KLHL32: variants seen among roughly 807,000 people sequenced by gnomAD.
KLHL32 encodes the protein kelch-like protein 32.
In KLHL32, 35 loss-of-function variants were observed where a neutral mutation model predicts 64.8. That is an observed-to-expected ratio of 0.54 (90% CI 0.41 to 0.72). The LOEUF (loss-of-function observed/expected upper bound fraction) is 0.72. KLHL32 is among the 30% of genes least tolerant of loss of function. The pLI is 0.00. For missense variants in KLHL32, 589 were observed against 768.5 expected (o/e 0.77, Z 2.76); for synonymous variants, 259 against 281.0 (o/e 0.92, Z 0.78).
In KLHL32 at chr6:97,080,046, G is replaced by C. The variant is rs547577010; in HGVS notation, c.412-5080G>C. 2.6e-5 allele frequency among the ~76,000 whole-genome samples: 4 copies of C among 152,226 alleles called. No individual in the cohort carries two copies. In the South Asian group the frequency reaches 8.3e-4, roughly 32 times the overall value. On this transcript the variant is annotated intron_variant, in intron 5 of 10. Transcript: ENST00000369261. ...ATTTGAAAAGATATTAAAATCTTTT[G>C]ATCTAAGTAGCCAATTGATAGAGGA...
intron 1 of KLHL32, among the ~76,000 whole-genome samples, chr6:96,932,903 C>A (rs182579746): frequency 1.1e-4 from 16 of 152,182 alleles, no homozygotes; most frequent in Admixed American, 2.6e-4. Context: ...GTGTTTCATG[C>A]TGTTTTTATC....
At chr6:96,941,449 A>G (rs1274728819) in intron 1 of KLHL32, among the ~76,000 whole-genome samples, 2 of 152,186 alleles carry the variant, frequency 1.3e-5, no homozygotes. Context: ...TCCCATTAAG[A>G]ATTAGCCATA....
chr6:97,095,318 A>G (rs1234277221), intron 6 of KLHL32, among the ~76,000 whole-genome samples: 2 of 152,212 alleles, frequency 1.3e-5, no homozygotes, highest in Non-Finnish European at 2.9e-5. Context: ...TATAAATCCA[A>G]TAAAGTGTAA....
intron 4 of KLHL32, among the ~76,000 whole-genome samples, chr6:97,046,037 C>T (rs965494467): frequency 1.3e-5 from 2 of 152,242 alleles, no homozygotes; most frequent in East Asian, 3.9e-4. Flanking sequence ...TTATTCTGTC[C>T]AAACACCAGA....
chr6:97,037,726 C>T (rs143979881), intron 3 of KLHL32, among the ~76,000 whole-genome samples: 1 of 151,880 alleles, frequency 6.6e-6, no homozygotes, highest in African/African-American at 2.4e-5. Flanking sequence ...CCAAAGCCAC[C>T]CTGAGCAAAA....
In KLHL32 at chr6:97,140,316, C is replaced by A. The variant is rs1007986603; in HGVS notation, c.*1034C>A. The A allele has an allele frequency of 2.1e-4, 32 of 152,050 alleles. No homozygotes were observed. The highest frequency in any genetic ancestry group is 7.7e-4 in the African/African-American group (32 of 41,518). The allele number at this position is 152,050 out of a possible 1,614,324, so 9.4% of individuals were successfully genotyped here. A position where few individuals can be genotyped will look rare whatever the true frequency, so the allele number is the denominator to read the frequency against. On this transcript the variant is annotated 3_prime_UTR_variant, in exon 11 of 11. Transcript: ENST00000369261. ...AATTTAGTTGTACTAATTATGGTACCATAAAGTGCTTTGACATAAATTTGA... is the reference window on the plus strand; with the variant it reads ...AATTTAGTTGTACTAATTATGGTACAATAAAGTGCTTTGACATAAATTTGA...
chr6:97,029,506 T>C (rs1783212392), intron 3 of KLHL32, among the ~76,000 whole-genome samples: 1 of 152,180 alleles, frequency 6.6e-6, no homozygotes, highest in Admixed American at 6.5e-5. Flanking sequence ...GTTTGTCTTG[T>C]GATATTTTAT....
At chr6:96,907,030 A>G in the KLHL32 span, among the ~76,000 whole-genome samples, 1 of 152,184 alleles carries the variant, frequency 6.6e-6, no homozygotes, top group Non-Finnish European at 1.5e-5. Flanking sequence ...TAATTCATGT[A>G]CCTAGCTAGC....
chr6:96,906,908 A>G, the KLHL32 span, among the ~76,000 whole-genome samples: 1 of 152,182 alleles, frequency 6.6e-6, no homozygotes, highest in South Asian at 2.1e-4. Context: ...ATGTCCAGAG[A>G]AGGCTTCCAG....
At chr6:97,133,465 AACT>A (rs1799653255) in intron 10 of KLHL32, among the ~76,000 whole-genome samples, 1 of 152,216 alleles carries the variant, frequency 6.6e-6, no homozygotes, top group South Asian at 2.1e-4. Flanking sequence ...ATATCCTTAT[AACT>A]ACTTTTATTA....
rs1345992091 is a variant in KLHL32, at chr6:96,988,855, CA to C, written c.204+12684del. Among the ~76,000 whole-genome samples the C allele has an allele frequency of 6.0e-5, 9 of 150,274 alleles. No individual in the cohort carries two copies. In the East Asian group the frequency reaches 1.4e-3, roughly 23 times the overall value. ...CATTCTCAGCAAACTGTTGCAAGGA[CA>C]AAAAACCAAACACCGCATGTTCTCA... On this transcript the variant is annotated intron_variant, in intron 3 of 10. Transcript: ENST00000369261.
chr6:97,006,261 G>A (rs1779649498), intron 3 of KLHL32, among the ~76,000 whole-genome samples: 1 of 152,090 alleles, frequency 6.6e-6, no homozygotes, highest in Admixed American at 6.6e-5. Flanking sequence ...ATTAGGTAAT[G>A]CTCTTCTTTG....
At chr6:96,968,117 A>G (rs990428185) in intron 2 of KLHL32, among the ~76,000 whole-genome samples, 1 of 152,190 alleles carries the variant, frequency 6.6e-6, no homozygotes, top group African/African-American at 2.4e-5. Context: ...TTTGTTCCAG[A>G]AATGTGTTGA....
intron 4 of KLHL32, among the ~76,000 whole-genome samples, chr6:97,054,437 C>CT (rs1237963915): frequency 6.6e-6 from 1 of 152,192 alleles, no homozygotes; most frequent in Non-Finnish European, 1.5e-5. Flanking sequence ...TACATTGGTG[C>CT]TTTCTCACAG....
At chr6:96,991,729 A>T (rs1344995643) in intron 3 of KLHL32, among the ~76,000 whole-genome samples, 1 of 152,138 alleles carries the variant, frequency 6.6e-6, no homozygotes, top group Admixed American at 6.5e-5. Context: ...TCAGAGCAGC[A>T]AAAGTAGTAG....
At chr6:96,901,512 C>A in the KLHL32 span, among the ~76,000 whole-genome samples, 1 of 152,136 alleles carries the variant, frequency 6.6e-6, no homozygotes, top group Non-Finnish European at 1.5e-5. Context: ...AGGATAATCT[C>A]TCCATCTGAA....
At chr6:97,125,713 T>G (rs1338060402) in intron 7 of KLHL32, among the ~76,000 whole-genome samples, 1 of 152,142 alleles carries the variant, frequency 6.6e-6, no homozygotes, top group Non-Finnish European at 1.5e-5. Context: ...GAGACTGAGG[T>G]TGCAGTGAGC....
At chr6:97,121,935 AAGAC>A (rs1423957713) in intron 7 of KLHL32, among the ~76,000 whole-genome samples, 1 of 152,220 alleles carries the variant, frequency 6.6e-6, no homozygotes, top group African/African-American at 2.4e-5. Flanking sequence ...TGGGACATGA[AAGAC>A]AGACAGAGGT....
chr6:97,089,705 G>T (rs189460088), intron 6 of KLHL32, among the ~76,000 whole-genome samples: 6 of 151,454 alleles, frequency 4.0e-5, no homozygotes, highest in African/African-American at 1.2e-4. Context: ...CAGTTGAAGC[G>T]AGAGGCAGAG....
Sources: gnomAD v4.1 joint callset for allele counts (sites outside exome capture counted in the v4.1 genomes callset) on GRCh38, gnomAD v4.1.1 for gene constraint, MANE v1.5 for transcripts, NCBI Gene and HGNC (gene_info 2026-07-23, HGNC 2026-07-21) for gene names.